CDH8: variants seen among roughly 807,000 people sequenced by gnomAD.
CDH8 encodes the protein cadherin 8.
CDH8 carries 17 observed loss-of-function variants against 68.1 expected under a neutral mutation model. The observed-to-expected ratio is 0.25, with a 90% confidence interval of 0.17 to 0.37. CDH8 has a LOEUF of 0.37. CDH8 is among the 10% of genes least tolerant of loss of function. CDH8 has a pLI of 1.00. For missense variants in CDH8, 763 were observed against 999.3 expected (o/e 0.76, Z 3.19); for synonymous variants, 372 against 365.1 (o/e 1.02, Z -0.21).
chr16:61,982,616 G>A (rs1397671906), intron 2 of CDH8, among the ~76,000 whole-genome samples: 1 of 152,182 alleles, frequency 6.6e-6, no homozygotes, highest in Non-Finnish European at 1.5e-5. Context: ...AGATAACAAT[G>A]TGTTAACTCG....
Position 61,857,153 on chromosome 16 carries a change from T to C in CDH8, c.633A>G (p.Glu211=), listed in dbSNP as rs756896864. Residue 211 remains glutamate (E), a synonymous_variant, in exon 4 of 12, where the codon GAA becomes GAG. Transcript: ENST00000577390. ...GCTCAATGGAAAAATAAGGCTGCCC[T>C]TCCAATATACTATAAACCAACTTTG... ...NSAKLVYSIL[E]GQPYFSIEPE... 4.3e-6 allele frequency: 7 copies of C among 1,613,600 alleles called. No individual in the cohort carries two copies. The Admixed American group carries it at 1.0e-4, about 23-fold the overall frequency.
At chr16:61,959,287 A>T (rs903865727) in intron 2 of CDH8, among the ~76,000 whole-genome samples, 7 of 152,168 alleles carry the variant, frequency 4.6e-5, no homozygotes, top group Non-Finnish European at 8.8e-5. Flanking sequence ...CAAATGTGAA[A>T]AAAAGAAAAA....
chr16:62,010,350 C>T (rs1901776857), intron 2 of CDH8, among the ~76,000 whole-genome samples: 1 of 152,146 alleles, frequency 6.6e-6, no homozygotes, highest in African/African-American at 2.4e-5. Flanking sequence ...GTGCACCTAC[C>T]ACATAAGGTT....
chr16:61,750,860 G>T (rs554208762), intron 8 of CDH8, among the ~76,000 whole-genome samples: 1 of 152,124 alleles, frequency 6.6e-6, no homozygotes, highest in South Asian at 2.1e-4. Flanking sequence ...AGAATAAAAA[G>T]ATTCCATAGC....
intron 3 of CDH8, among the ~76,000 whole-genome samples, chr16:61,878,687 C>T (rs1256876289): frequency 6.6e-6 from 1 of 152,178 alleles, no homozygotes; most frequent in Non-Finnish European, 1.5e-5. Context: ...GGGTATTTTA[C>T]ATATGATATT....
intron 10 of CDH8, among the ~76,000 whole-genome samples, chr16:61,694,392 G>A (rs1338296083): frequency 6.6e-6 from 1 of 152,178 alleles, no homozygotes; most frequent in East Asian, 1.9e-4. Context: ...TATACTTGGA[G>A]CATTTTACAT....
chr16:61,927,152 C>A (rs748531514), intron 2 of CDH8, among the ~76,000 whole-genome samples: 9 of 152,072 alleles, frequency 5.9e-5, no homozygotes, highest in African/African-American at 2.2e-4. Flanking sequence ...CCCAGCTTTG[C>A]GATTTAAATA....
At chr16:61,941,964 A>G (rs1361728979) in intron 2 of CDH8, among the ~76,000 whole-genome samples, 1 of 152,110 alleles carries the variant, frequency 6.6e-6, no homozygotes, top group Non-Finnish European at 1.5e-5. Flanking sequence ...GTAAATGGCC[A>G]TACCATCTAC....
intron 2 of CDH8, among the ~76,000 whole-genome samples, chr16:62,017,436 T>A (rs1299315386): frequency 6.6e-6 from 1 of 152,118 alleles, no homozygotes; most frequent in Admixed American, 6.5e-5. Flanking sequence ...ATCCCAGCAT[T>A]TTGAGAAGCC....
intron 10 of CDH8, among the ~76,000 whole-genome samples, chr16:61,660,457 C>T (rs1963533435): frequency 6.6e-6 from 1 of 151,482 alleles, no homozygotes; most frequent in Non-Finnish European, 1.5e-5. Context: ...AGCAGAGCCT[C>T]AAAAAAATGT....
chr16:61,671,712 T>A (rs928392440), intron 10 of CDH8, among the ~76,000 whole-genome samples: 1 of 152,090 alleles, frequency 6.6e-6, no homozygotes, highest in South Asian at 2.1e-4. Context: ...GAACGGCATG[T>A]GCTTTTGAAT....
chr16:61,829,496 C>T (rs1962411188), intron 4 of CDH8, among the ~76,000 whole-genome samples: 1 of 151,820 alleles, frequency 6.6e-6, no homozygotes, highest in African/African-American at 2.4e-5. Flanking sequence ...ATCTATAGTT[C>T]AAAAGTACTT....
At chr16:62,023,380 T>A (rs1456418978) in intron 1 of CDH8, among the ~76,000 whole-genome samples, 1 of 152,206 alleles carries the variant, frequency 6.6e-6, no homozygotes, top group Non-Finnish European at 1.5e-5. Flanking sequence ...TTGCTGTCTC[T>A]GTAATGATGG....
rs111245036 is a variant in CDH8, at chr16:61,653,155, C to T, written c.*453G>A. The T allele has an allele frequency of 5.2e-3, 6,355 of 1,230,852 alleles. 20 individuals carry two copies. Among genetic ancestry groups the T allele is most frequent in the Non-Finnish European group, 6.0e-3 (5,955 of 987,936 alleles). The allele number at this position is 1,230,852 out of a possible 1,614,324, so 76.2% of individuals were successfully genotyped here. On this transcript the variant is annotated 3_prime_UTR_variant, in exon 12 of 12. Coordinates refer to ENST00000577390, the MANE Select transcript of CDH8 (RefSeq NM_001796.5). ...CCAAGTATTGCTTTATCATTTGTGGCGGGATCCTTATTGGTGAAGGGGAAA... is the reference window on the plus strand; with the variant it reads ...CCAAGTATTGCTTTATCATTTGTGGTGGGATCCTTATTGGTGAAGGGGAAA...
At chr16:61,728,604 C>T (rs180687971) in intron 8 of CDH8, among the ~76,000 whole-genome samples, 3 of 151,090 alleles carry the variant, frequency 2.0e-5, no homozygotes, top group Admixed American at 6.6e-5. Flanking sequence ...TCTAAATAGA[C>T]ATTTAACTTA....
intron 2 of CDH8, among the ~76,000 whole-genome samples, chr16:61,989,378 T>C (rs967258560): frequency 2.0e-5 from 3 of 152,188 alleles, no homozygotes; most frequent in African/African-American, 7.2e-5. Flanking sequence ...AGTGCTGATG[T>C]TGAAGTTTGG....
chr16:61,684,534 A>C (rs2142810896), intron 10 of CDH8, among the ~76,000 whole-genome samples: 1 of 152,164 alleles, frequency 6.6e-6, no homozygotes, highest in South Asian at 2.1e-4. Flanking sequence ...TAATTGTTGC[A>C]TATGCTATGT....
intron 10 of CDH8, among the ~76,000 whole-genome samples, chr16:61,660,150 C>A (rs4255773): frequency 0.14 from 20,635 of 151,962 alleles, 1,552 homozygotes; most frequent in African/African-American, 0.2. Context: ...AGTCATTAAA[C>A]AAATAAGCAA....
intron 2 of CDH8, among the ~76,000 whole-genome samples, chr16:61,950,109 C>T (rs894508029): frequency 6.6e-6 from 1 of 152,138 alleles, no homozygotes. Context: ...CAGGGACCTA[C>T]AAATGAGGTT....
Sources: gnomAD v4.1 joint callset for allele counts (sites outside exome capture counted in the v4.1 genomes callset) on GRCh38, gnomAD v4.1.1 for gene constraint, MANE v1.5 for transcripts, NCBI Gene and HGNC (gene_info 2026-07-23, HGNC 2026-07-21) for gene names.